Variants in INPP1 observed in about 807,000 individuals in gnomAD.
INPP1 encodes inositol polyphosphate 1-phosphatase.
A neutral mutation model predicts 23.0 loss-of-function variants in INPP1; 18 were observed. That is an observed-to-expected ratio of 0.78 (90% CI 0.54 to 1.16). The LOEUF is 1.16. Ranked by LOEUF, INPP1 falls within the 50% of genes most tolerant of loss-of-function variation. The pLI, the probability that INPP1 is intolerant of heterozygous loss-of-function variation, is 0.00. For missense variants in INPP1, 448 were observed against 482.1 expected (o/e 0.93, Z 0.66); for synonymous variants, 164 against 176.3 (o/e 0.93, Z 0.55).
At chr2:190,358,072 A>ATTTTT (rs749071988) in intron 2 of INPP1, among the ~76,000 whole-genome samples, 9 of 111,398 alleles carry the variant, frequency 8.1e-5, no homozygotes, top group Non-Finnish European at 1.6e-4. Context: ...CATTAAGGGA[A>ATTTTT]TTTTTTTTTT....
At chr2:190,351,755 A>T (rs1689328085) in intron 2 of INPP1, among the ~76,000 whole-genome samples, 2 of 152,214 alleles carry the variant, frequency 1.3e-5, no homozygotes, top group African/African-American at 4.8e-5. Flanking sequence ...GATTATTACA[A>T]ATAATGCTGC....
chr2:190,345,719 C>G lies in INPP1; in HGVS notation c.-209+1758C>G, dbSNP rs981628629. 1 of 152,180 alleles carries G rather than the reference C, an allele frequency of 6.6e-6. No individual in the cohort carries two copies. Among genetic ancestry groups the G allele is most frequent in the East Asian group, 1.9e-4 (1 of 5,194 alleles). 9.4% of individuals were successfully genotyped at this position (152,180 alleles called of 1,614,324 possible). A position where few individuals can be genotyped will look rare whatever the true frequency, so the allele number is the denominator to read the frequency against. ...GCTTAGAAATAAAGGCTCTGGCTGG[C>G]GTGGTGGCTCACGCCTGTTATCCCT... is the stretch of plus-strand genomic sequence containing the variant. On this transcript the variant is annotated intron_variant, in intron 1 of 6. Coordinates refer to ENST00000392329, the MANE Select transcript of INPP1 (RefSeq NM_001128928.2). The surrounding 1 kb of genome is among the most constrained non-coding windows in gnomAD (Gnocchi z 4.9).
chr2:190,358,072 ATTTTT>A (rs749071988), intron 2 of INPP1, among the ~76,000 whole-genome samples: 23,795 of 110,608 alleles, frequency 0.22, 1,317 homozygotes, highest in East Asian at 0.35. Flanking sequence ...CATTAAGGGA[ATTTTT>A]TTTTTTTTTT....
In INPP1 at chr2:190,368,896, T is replaced by C; in HGVS notation, c.467-207T>C. The C allele has an allele frequency of 2.6e-6, 1 of 385,970 alleles. No homozygotes were observed. The highest frequency in any genetic ancestry group is 8.5e-5 in the South Asian group (1 of 11,734). The allele number at this position is 385,970 out of a possible 1,614,324, so 23.9% of individuals were successfully genotyped here. On this transcript the variant is annotated intron_variant, in intron 5 of 6. Coordinates refer to ENST00000392329, the MANE Select transcript of INPP1 (RefSeq NM_001128928.2). The surrounding 1 kb of genome is among the most constrained non-coding windows in gnomAD (Gnocchi z 4.3). ...TGCCACAGGAACTATAGACACATCC[T>C]CTCCCTTCAAGAGTTCTCACAGTCA...
At chr2:190,350,800 ACT>A (rs1689310746) in intron 2 of INPP1, among the ~76,000 whole-genome samples, 1 of 152,184 alleles carries the variant, frequency 6.6e-6, no homozygotes, top group Non-Finnish European at 1.5e-5. Context: ...ACCAAATTAA[ACT>A]CACTATTTTG....
At chr2:190,358,235 C>T (rs927367352) in intron 2 of INPP1, among the ~76,000 whole-genome samples, 10 of 151,942 alleles carry the variant, frequency 6.6e-5, no homozygotes, top group Non-Finnish European at 1.3e-4. Context: ...TGGAGCACCA[C>T]GTCTGGCTAA....
chr2:190,354,925 G>GGT lies in INPP1; in HGVS notation c.-64-5094_-64-5093dup, dbSNP rs71027214. On this transcript the variant is annotated intron_variant, in intron 2 of 6. Transcript: ENST00000392329. This position sits in a 1 kb window ranked among gnomAD's most constrained non-coding sequence, Gnocchi z 4.8. ...AACCTAGTGACAGATATCAACTAGG[G>GGT]GTGTGTGTGTGTGTGTGTGTGCATT... Among the ~76,000 whole-genome samples the GGT allele has an allele frequency of 1.5e-3, 219 of 146,576 alleles. No homozygotes were observed. Among genetic ancestry groups the GGT allele is most frequent in the Middle Eastern group, 0.011 (3 of 282 alleles).
At chr2:190,365,958 T>C (rs1034475444) in intron 4 of INPP1, among the ~76,000 whole-genome samples, 7 of 127,574 alleles carry the variant, frequency 5.5e-5, no homozygotes, top group Admixed American at 8.8e-5. Context: ...TCTCACTCTT[T>C]TGCTCTCTCT....
At position 190,366,684 on chromosome 2, in the gene INPP1, C is replaced by T; in HGVS notation, c.266-11C>T. The T allele has an allele frequency of 6.3e-7, 1 of 1,599,438 alleles. No individual in the cohort carries two copies. The highest frequency in any genetic ancestry group is 8.6e-7 in the Non-Finnish European group (1 of 1,166,794). ...TGAAATGTAATGGCTTATCGTGTGG[C>T]TTTACCCTAGGGGAAAAGATTACCT... On this transcript the variant is annotated splice_polypyrimidine_tract_variant and intron_variant, in intron 4 of 6. Coordinates refer to ENST00000392329, the MANE Select transcript of INPP1 (RefSeq NM_001128928.2).
Position 190,363,757 on chromosome 2 carries a change from A to G in INPP1, c.265+1070A>G, listed in dbSNP as rs1241965938. On this transcript the variant is annotated intron_variant, in intron 4 of 6. Coordinates refer to ENST00000392329, the MANE Select transcript of INPP1 (RefSeq NM_001128928.2). The surrounding 1 kb of genome is among the most constrained non-coding windows in gnomAD (Gnocchi z 4.4). ...AACACTTATGCCTGACTTATAAGCA[A>G]TCTTACATTTAAAAATCTACGCTTG... Among the ~76,000 whole-genome samples, 1 of 152,230 alleles carries G rather than the reference A, an allele frequency of 6.6e-6. No individual in the cohort carries two copies. The highest frequency in any genetic ancestry group is 2.4e-5 in the African/African-American group (1 of 41,454).
chr2:190,360,056 G>T lies in INPP1; in HGVS notation c.-47G>T. 6.3e-7 allele frequency: 1 copy of T among 1,579,068 alleles called. No homozygotes were observed. The highest frequency in any genetic ancestry group is 1.1e-5 in the South Asian group (1 of 90,004). ...TTTTCCAGCTGACGGCCCAGAGGGT[G>T]GGTGCCAATTCCACCAGCAGCTGCA... On this transcript the variant is annotated 5_prime_UTR_variant, in exon 3 of 7. Coordinates refer to ENST00000392329, the MANE Select transcript of INPP1 (RefSeq NM_001128928.2).
chr2:190,356,703 A>C lies in INPP1; in HGVS notation c.-64-3336A>C, dbSNP rs980976947. ...AGTGTAGTTAGTATCGTTTCTTTTA[A>C]GAAAAAAAATTGATTTTAACACTTG... On this transcript the variant is annotated intron_variant, in intron 2 of 6. Transcript: ENST00000392329. This position sits in a 1 kb window ranked among gnomAD's most constrained non-coding sequence, Gnocchi z 6.4. 3 of 152,072 alleles carry C rather than the reference A, an allele frequency of 2.0e-5. No homozygotes were observed. Among genetic ancestry groups the C allele is most frequent in the African/African-American group, 7.3e-5 (3 of 41,326 alleles). The allele number at this position is 152,072 out of a possible 1,614,324, so 9.4% of individuals were successfully genotyped here.
rs71027214 is a variant in INPP1, at chr2:190,354,925, G to GGTGTGTGTGTGTGTGTGTGTGT, written c.-64-5093_-64-5092insTGTGTGTGTGTGTGTGTGTGTG. On this transcript the variant is annotated intron_variant, in intron 2 of 6. Transcript: ENST00000392329. The surrounding 1 kb of genome is among the most constrained non-coding windows in gnomAD (Gnocchi z 4.8). The stretch of plus-strand genomic sequence containing the variant: ...AACCTAGTGACAGATATCAACTAGG[G>GGTGTGTGTGTGTGTGTGTGTGT]GTGTGTGTGTGTGTGTGTGTGCATT... Among the ~76,000 whole-genome samples, 20 of 146,624 alleles carry GGTGTGTGTGTGTGTGTGTGTGT rather than the reference G, an allele frequency of 1.4e-4. No individual in the cohort carries two copies. The highest frequency in any genetic ancestry group is 4.6e-4 in the African/African-American group (18 of 39,420).
At chr2:190,344,317 T>G (rs1469294796) in intron 1 of INPP1, 1 of 152,822 alleles carries the variant, frequency 6.5e-6, no homozygotes, top group Non-Finnish European at 1.5e-5. Flanking sequence ...ATCCAGTCAT[T>G]AGTATTTGTA....
intron 2 of INPP1, among the ~76,000 whole-genome samples, chr2:190,350,305 A>G (rs922952518): frequency 6.6e-6 from 1 of 152,230 alleles, no homozygotes; most frequent in African/African-American, 2.4e-5. Context: ...CTTTACAAAA[A>G]GGCAATATAA....
chr2:190,360,567 G>T (rs1689515878), intron 3 of INPP1, among the ~76,000 whole-genome samples: 1 of 152,120 alleles, frequency 6.6e-6, no homozygotes, highest in Admixed American at 6.5e-5. Flanking sequence ...AAACACTTCA[G>T]TATAGAACCT....
Position 190,360,231 on chromosome 2 carries a change from G to C in INPP1, c.129G>C (p.Lys43Asn), listed in dbSNP as rs1689509547. The change falls in exon 3 of 7, where the codon AAG becomes AAC. Residue 43 changes from lysine (K) to asparagine (N), a missense_variant. Coordinates refer to ENST00000392329, the MANE Select transcript of INPP1 (RefSeq NM_001128928.2). ...AAAAGAAAGAGGGAGAAAAGAACAA[G>C]AAGTTTGCAGTTGACTTCAAGACGC... The part of the protein sequence containing the change: ...IEEKKEGEKN[K>N]KFAVDFKTLA... The C allele has an allele frequency of 3.1e-6, 5 of 1,614,212 alleles. No individual in the cohort carries two copies. In the East Asian group the frequency reaches 1.1e-4, roughly 36 times the overall value.
rs570162172 is a variant in INPP1 at position 190,369,711 on chromosome 2, T to G, written c.641+434T>G. Among the ~76,000 whole-genome samples, 3 of 152,280 alleles carry G rather than the reference T, an allele frequency of 2.0e-5. No homozygotes were observed. In the East Asian group the frequency reaches 5.8e-4, roughly 29 times the overall value. On this transcript the variant is annotated intron_variant, in intron 6 of 6. Coordinates refer to ENST00000392329, the MANE Select transcript of INPP1 (RefSeq NM_001128928.2). ...TGTGAAAATTATCCAATGAAAAGAT[T>G]GGTAGGCATGGCCAGGATCAGAACC...
chr2:190,348,137 C>CAAAAA (rs1486315819), intron 1 of INPP1, among the ~76,000 whole-genome samples: 4 of 151,944 alleles, frequency 2.6e-5, no homozygotes, highest in Admixed American at 2.6e-4. Context: ...GACTCTGTCT[C>CAAAAA]AAAAACAAAA....
Sources: gnomAD v4.1 joint callset for allele counts (sites outside exome capture counted in the v4.1 genomes callset) on GRCh38, gnomAD v4.1.1 for gene constraint, Gnocchi (gnomAD v3.1) non-coding constraint, MANE v1.5 for transcripts, NCBI Gene and HGNC (gene_info 2026-07-23, HGNC 2026-07-21) for gene names.